The following KLHL28 variants were observed in gnomAD, a reference collection of about 807,000 sequenced individuals.
KLHL28 encodes the protein kelch like family member 28, also known as kelch-like protein 28.
KLHL28 carries 22 observed loss-of-function variants against 48.3 expected under a neutral mutation model. The observed-to-expected ratio is 0.46, with a 90% CI of 0.33 to 0.65. KLHL28 has a LOEUF of 0.65. KLHL28 is among the 30% of genes least tolerant of loss of function. The pLI, the probability that KLHL28 is intolerant of heterozygous loss-of-function variation, is 0.03. For missense variants in KLHL28, 527 were observed against 704.3 expected (o/e 0.75, Z 2.85); for synonymous variants, 243 against 242.4 (o/e 1.00, Z -0.02).
intron 1 of KLHL28, among the ~76,000 whole-genome samples, chr14:44,957,504 A>C (rs894773890): frequency 3.3e-5 from 5 of 152,194 alleles, no homozygotes; most frequent in Non-Finnish European, 7.4e-5. Context: ...TAACTGCCAA[A>C]CAATGTTGAG....
chr14:44,944,720 A>G (rs1884247858), intron 2 of KLHL28, among the ~76,000 whole-genome samples: 1 of 152,158 alleles, frequency 6.6e-6, no homozygotes, highest in Admixed American at 6.5e-5. Flanking sequence ...GTCTGACTCA[A>G]ATAAACATGT....
chr14:44,941,628 C>CA (rs1247926852), intron 2 of KLHL28, among the ~76,000 whole-genome samples: 9,176 of 80,468 alleles, frequency 0.11, 381 homozygotes, highest in Non-Finnish European at 0.15. Context: ...AACTCTGTCT[C>CA]AAAAAAAAAA....
chr14:44,956,739 T>C (rs1461870432), intron 1 of KLHL28, among the ~76,000 whole-genome samples: 1 of 152,140 alleles, frequency 6.6e-6, no homozygotes, highest in African/African-American at 2.4e-5. Context: ...TAGAAAACAG[T>C]TGGAAATTTA....
rs1883407546 is a variant in KLHL28, at chr14:44,927,353, T to A, written c.*1675A>T. 1 of 152,612 alleles carries A rather than the reference T, an allele frequency of 6.6e-6. No homozygotes were observed. Among genetic ancestry groups the A allele is most frequent in the African/African-American group, 2.4e-5 (1 of 41,472 alleles). The allele number at this position is 152,612 out of a possible 1,614,324, so 9.5% of individuals were successfully genotyped here. A position where few individuals can be genotyped will look rare whatever the true frequency, so the allele number is the denominator to read the frequency against. ...ATATACTAACAAATGAACCTATGTT[T>A]TATAATTACAAATGGCTTCTTAACA... On this transcript the variant is annotated 3_prime_UTR_variant, in exon 5 of 5. Transcript: ENST00000396128.
intron 3 of KLHL28, among the ~76,000 whole-genome samples, chr14:44,933,425 G>A (rs926863053): frequency 7.3e-5 from 11 of 150,850 alleles, no homozygotes; most frequent in Non-Finnish European, 1.3e-4. Flanking sequence ...ATCCTCCCAC[G>A]TCAGCCTCCC....
chr14:44,946,917 G>A (rs1486138431), intron 1 of KLHL28, among the ~76,000 whole-genome samples: 2 of 151,956 alleles, frequency 1.3e-5, no homozygotes, highest in African/African-American at 4.8e-5. Context: ...TTGTGCTTCT[G>A]GAAGATGAAA....
At chr14:44,938,045 GC>G (rs1883900436) in intron 2 of KLHL28, among the ~76,000 whole-genome samples, 1 of 152,058 alleles carries the variant, frequency 6.6e-6, no homozygotes, top group Non-Finnish European at 1.5e-5. Flanking sequence ...TTTGCCCCTG[GC>G]CCTCAAAATT....
chr14:44,931,364 A>T lies in KLHL28; in HGVS notation c.1521T>A (p.Thr507=). ...TAGGTTCTTTCATTGGTCTACACAC[A>T]GTCCACTGATTTTGATGAGGATCGT... ...ERYDPHQNQW[T]VCRPMKEPRT... is the part of the protein sequence containing the mutation. The change falls in exon 4 of 5, where the codon ACT becomes ACA. Residue 507 remains threonine, a synonymous_variant. Coordinates refer to ENST00000396128, the MANE Select transcript of KLHL28 (RefSeq NM_017658.5). 2 of 1,613,834 alleles carry T rather than the reference A, an allele frequency of 1.2e-6. No homozygotes were observed. The highest frequency in any genetic ancestry group is 1.7e-6 in the Non-Finnish European group (2 of 1,179,756).
At chr14:44,948,853 C>T (rs556007616) in intron 1 of KLHL28, among the ~76,000 whole-genome samples, 10 of 152,170 alleles carry the variant, frequency 6.6e-5, no homozygotes, top group African/African-American at 2.2e-4. Context: ...TTTACCTGGA[C>T]GTCTATAAGC....
chr14:44,933,865 AGGTTTCT>A (rs1883691661), intron 3 of KLHL28, among the ~76,000 whole-genome samples: 1 of 152,210 alleles, frequency 6.6e-6, no homozygotes, highest in African/African-American at 2.4e-5. Context: ...TCTTATTTTT[AGGTTTCT>A]GAGTTTTAAA....
intron 4 of KLHL28, among the ~76,000 whole-genome samples, chr14:44,930,646 C>T (rs11846502): frequency 0.06 from 9,084 of 152,228 alleles, 891 homozygotes; most frequent in African/African-American, 0.2. Flanking sequence ...GATTTTTGAA[C>T]TTGGCATGAT....
At chr14:44,931,255 C>G (rs181100001) in intron 4 of KLHL28, 78 bp downstream of exon 4, 1 of 798,662 alleles carries the variant, frequency 1.3e-6, no homozygotes, top group Non-Finnish European at 1.9e-6. Flanking sequence ...CTGCTATATT[C>G]CAAGGAACTA....
intron 1 of KLHL28, among the ~76,000 whole-genome samples, chr14:44,951,672 A>G (rs1294856326): frequency 6.6e-6 from 1 of 152,238 alleles, no homozygotes; most frequent in Non-Finnish European, 1.5e-5. Flanking sequence ...ATTGTATTAG[A>G]TGCAAATGAT....
chr14:44,946,729 T>C (rs1884353440), intron 1 of KLHL28, among the ~76,000 whole-genome samples: 1 of 152,084 alleles, frequency 6.6e-6, no homozygotes, highest in African/African-American at 2.4e-5. Context: ...CTAATTTTTA[T>C]ATTTTTAGTA....
In KLHL28 at chr14:44,929,012, C is replaced by T. The variant is rs376852614; in HGVS notation, c.*16G>A. On this transcript the variant is annotated 3_prime_UTR_variant, in exon 5 of 5. Transcript: ENST00000396128. The stretch of plus-strand genomic sequence containing the variant: ...ACAAGTTTCACCACCATACTATTTC[C>T]GAGAGTTCACATTTGTCAAAGTGCA... The T allele has an allele frequency of 2.4e-5, 38 of 1,611,948 alleles. No individual in the cohort carries two copies. The East Asian group carries it at 4.2e-4, about 18-fold the overall frequency.
chr14:44,928,921 A>G lies in KLHL28; in HGVS notation c.*107T>C, dbSNP rs1883472203. 4 of 997,008 alleles carry G rather than the reference A, an allele frequency of 4.0e-6. No individual in the cohort carries two copies. Among genetic ancestry groups the G allele is most frequent in the Admixed American group, 4.7e-5 (2 of 42,420 alleles). The allele number at this position is 997,008 out of a possible 1,614,324, so 61.8% of individuals were successfully genotyped here. A position where few individuals can be genotyped will look rare whatever the true frequency, so the allele number is the denominator to read the frequency against. On this transcript the variant is annotated 3_prime_UTR_variant, in exon 5 of 5. Coordinates refer to ENST00000396128, the MANE Select transcript of KLHL28 (RefSeq NM_017658.5). ...ACTTTTGAGCCTTCATGCTACTTCAAGTTAAAAAGAAAGCAATGCAGCTTG... is the reference window on the plus strand; with the variant it reads ...ACTTTTGAGCCTTCATGCTACTTCAGGTTAAAAAGAAAGCAATGCAGCTTG...
intron 4 of KLHL28, among the ~76,000 whole-genome samples, chr14:44,929,537 C>T (rs1400355796): frequency 1.3e-5 from 2 of 152,108 alleles, no homozygotes; most frequent in Non-Finnish European, 2.9e-5. Flanking sequence ...CAAACTAAAC[C>T]TTATCATAGA....
chr14:44,950,086 A>G (rs149949889), intron 1 of KLHL28, among the ~76,000 whole-genome samples: 66 of 152,238 alleles, frequency 4.3e-4, no homozygotes, highest in African/African-American at 1.5e-3. Flanking sequence ...ATGAAAAACC[A>G]AGGAATGAAG....
chr14:44,942,239 CCT>C (rs772213347), intron 2 of KLHL28, among the ~76,000 whole-genome samples: 2 of 151,948 alleles, frequency 1.3e-5, no homozygotes, highest in South Asian at 2.1e-4. Context: ...TGGATTCCTC[CCT>C]CTTCCTCATC....
Sources: allele counts gnomAD v4.1 joint callset (sites outside exome capture counted in the v4.1 genomes callset), GRCh38; gene constraint gnomAD v4.1.1; transcripts MANE v1.5; gene names NCBI Gene and HGNC (gene_info 2026-07-23, HGNC 2026-07-21).